The following STOX2 variants were observed in gnomAD, a reference collection of about 807,000 sequenced individuals.
STOX2 encodes storkhead box 2, also known as storkhead-box protein 2.
In STOX2, 28 loss-of-function variants were observed where a neutral mutation model predicts 60.9. The ratio of observed to expected loss-of-function variants is 0.46; its 90% CI spans 0.34 to 0.63. STOX2 has a LOEUF of 0.63. STOX2 is among the 30% of genes least tolerant of loss of function. The pLI is 0.01. For synonymous variants in STOX2, 472 were observed against 463.9 expected (o/e 1.02, Z -0.22); for missense variants, 1,024 against 1,187.7 (o/e 0.86, Z 2.03).
intron 1 of STOX2, among the ~76,000 whole-genome samples, chr4:183,844,046 A>C (rs542278707): frequency 2.6e-5 from 4 of 152,336 alleles, no homozygotes; most frequent in African/African-American, 9.6e-5. Flanking sequence ...CCGAATTTCT[A>C]ATCTTTTTAA....
At chr4:183,876,830 G>A (rs1045866387) in intron 1 of STOX2, among the ~76,000 whole-genome samples, 1 of 152,212 alleles carries the variant, frequency 6.6e-6, no homozygotes, top group East Asian at 1.9e-4. Context: ...CTATTCTGAC[G>A]TTTCTTGAAA....
Position 183,906,252 on chromosome 4 carries a change from C to T in STOX2, c.-539C>T, listed in dbSNP as rs1741594623. The T allele has an allele frequency of 6.6e-6, 1 of 152,292 alleles. No homozygotes were observed. The highest frequency in any genetic ancestry group is 2.1e-4 in the South Asian group (1 of 4,842). 9.4% of individuals were successfully genotyped at this position (152,292 alleles called of 1,614,324 possible). The stretch of plus-strand genomic sequence containing the variant: ...GACTCGGACACTGTCATCCCCACGC[C>T]TCGCGCTGAGCTGCCCGGCGCGGAG... On this transcript the variant is annotated 5_prime_UTR_variant, in exon 1 of 4. Transcript: ENST00000308497.
intron 1 of STOX2, among the ~76,000 whole-genome samples, chr4:183,868,580 T>C (rs76516624): frequency 0.018 from 2,687 of 152,276 alleles, 91 homozygotes; most frequent in African/African-American, 0.061. Context: ...CAGGTGGACT[T>C]GAAAAGTCTG....
At chr4:183,841,160 C>G (rs906482761) in intron 1 of STOX2, among the ~76,000 whole-genome samples, 1 of 151,790 alleles carries the variant, frequency 6.6e-6, no homozygotes, top group Non-Finnish European at 1.5e-5. Flanking sequence ...TCACCACGCC[C>G]GGTTCAGTTT....
In STOX2 at chr4:183,846,602, C is replaced by A. The variant is rs1739995765; in HGVS notation, c.364+48547C>A. Among the ~76,000 whole-genome samples the A allele has an allele frequency of 2.6e-5, 4 of 152,128 alleles. No individual in the cohort carries two copies. In the South Asian group the frequency reaches 8.3e-4, roughly 32 times the overall value. ...CAACTCCAGAATTTCTTTATGGTTT[C>A]TTTTTATAATTTCTGCGTGTTTATT... On this transcript the variant is annotated intron_variant, in intron 1 of 2. Transcript: ENST00000513034.
intron 1 of STOX2, among the ~76,000 whole-genome samples, chr4:183,970,609 G>A (rs941770375): frequency 2.6e-5 from 4 of 152,138 alleles, no homozygotes; most frequent in Admixed American, 6.5e-5. Context: ...GAGGATGTTC[G>A]GGTGGCCCCC....
At chr4:183,936,415 CTCTT>C (rs1222274927) in intron 1 of STOX2, among the ~76,000 whole-genome samples, 4 of 145,836 alleles carry the variant, frequency 2.7e-5, no homozygotes, top group Non-Finnish European at 5.9e-5. Context: ...CATATTTTCT[CTCTT>C]TTTTTTTTTT....
chr4:184,007,033 C>G lies in STOX2; in HGVS notation c.320-2125C>G, dbSNP rs4069884. On this transcript the variant is annotated intron_variant, in intron 2 of 3. Coordinates refer to ENST00000308497, the MANE Select transcript of STOX2 (RefSeq NM_020225.3). ...TCTGTCTCAAAAAAAAAAAAAAAAACAAAACAAAAAAAAAATTTTGTTATT... is the reference window on the plus strand; with the variant it reads ...TCTGTCTCAAAAAAAAAAAAAAAAAGAAAACAAAAAAAAAATTTTGTTATT... Among the ~76,000 whole-genome samples the G allele has an allele frequency of 4.5e-5, 3 of 67,066 alleles. 1 individual carries two copies. Among genetic ancestry groups the G allele is most frequent in the African/African-American group, 1.2e-4 (3 of 25,570 alleles). The allele number at this position is 67,066 out of a possible 152,430, so 44.0% of individuals were successfully genotyped here.
intron 1 of STOX2, among the ~76,000 whole-genome samples, chr4:183,883,010 T>A (rs1740990332): frequency 6.6e-6 from 1 of 152,046 alleles, no homozygotes; most frequent in South Asian, 2.1e-4. Flanking sequence ...AACTGTTGCT[T>A]TTTTTTTCTT....
At chr4:183,945,869 A>G (rs927390843) in intron 1 of STOX2, among the ~76,000 whole-genome samples, 2 of 152,176 alleles carry the variant, frequency 1.3e-5, no homozygotes, top group Non-Finnish European at 2.9e-5. Flanking sequence ...TAGCCATCGT[A>G]TCCTCCTTTA....
intron 1 of STOX2, among the ~76,000 whole-genome samples, chr4:183,970,469 G>A (rs1337116490): frequency 2.0e-5 from 3 of 152,148 alleles, no homozygotes; most frequent in Non-Finnish European, 4.4e-5. Context: ...GCCATTCACT[G>A]AGAAGGAGCC....
chr4:184,005,399 A>G (rs961412149), intron 2 of STOX2, among the ~76,000 whole-genome samples: 2 of 143,828 alleles, frequency 1.4e-5, no homozygotes. Context: ...TGGAGGTTTC[A>G]GTGAGCCAAG....
At chr4:183,960,701 G>A (rs1269665300) in intron 1 of STOX2, among the ~76,000 whole-genome samples, 13 of 152,190 alleles carry the variant, frequency 8.5e-5, no homozygotes, top group Non-Finnish European at 1.9e-4. Context: ...TGAGTCGTAA[G>A]GGCCATAAAG....
At chr4:183,910,454 T>C (rs1239657650) in intron 1 of STOX2, among the ~76,000 whole-genome samples, 1 of 152,216 alleles carries the variant, frequency 6.6e-6, no homozygotes, top group African/African-American at 2.4e-5. Flanking sequence ...TTATGTGAAC[T>C]GTAAGCTCTT....
At chr4:184,012,739 C>T (rs764566253) in intron 3 of STOX2, among the ~76,000 whole-genome samples, 4 of 152,292 alleles carry the variant, frequency 2.6e-5, no homozygotes, top group South Asian at 2.1e-4. Context: ...CCCCATCCCT[C>T]GAGGAGCCTC....
intron 1 of STOX2, among the ~76,000 whole-genome samples, chr4:183,951,201 C>G (rs867097600): frequency 1.2e-4 from 17 of 140,730 alleles, no homozygotes; most frequent in Non-Finnish European, 2.6e-4. Context: ...GGCGACAGAG[C>G]GAGACTCCGT....
intron 1 of STOX2, among the ~76,000 whole-genome samples, chr4:183,886,958 C>T (rs1330769297): frequency 2.0e-5 from 3 of 152,166 alleles, no homozygotes; most frequent in Non-Finnish European, 4.4e-5. Context: ...AGTGCTACTG[C>T]ATAAAGTTAT....
rs17075034 is a variant in STOX2, at chr4:183,810,028, C to T, written c.364+11973C>T. On this transcript the variant is annotated intron_variant, in intron 1 of 2. Transcript: ENST00000513034. ...AGTAAACTGAATTCATAGAGCATAA[C>T]TCTCGAATGTTCACTGCCATTTTTA... Among the ~76,000 whole-genome samples, 690 of 152,308 alleles carry T rather than the reference C, an allele frequency of 4.5e-3. 2 individuals carry two copies. The highest frequency in any genetic ancestry group is 0.016 in the African/African-American group (668 of 41,570).
chr4:183,894,502 G>A (rs577911600), intron 1 of STOX2, among the ~76,000 whole-genome samples: 24 of 151,326 alleles, frequency 1.6e-4, no homozygotes, highest in African/African-American at 5.8e-4. Context: ...GTAATTTGCT[G>A]GAGTTAAAAA....
Sources: allele counts gnomAD v4.1 joint callset (sites outside exome capture counted in the v4.1 genomes callset), GRCh38; gene constraint gnomAD v4.1.1; transcripts MANE v1.5; gene names NCBI Gene and HGNC (gene_info 2026-07-23, HGNC 2026-07-21).